The following RANBP2 variants were observed in gnomAD, a reference collection of about 807,000 sequenced individuals.
RANBP2 encodes RAN binding protein 2, also known as E3 SUMO-protein ligase RanBP2.
RANBP2 carries 57 observed loss-of-function variants against 303.6 expected under a neutral mutation model. That is an observed-to-expected ratio of 0.19 (90% confidence interval 0.15 to 0.23). The LOEUF is 0.23. Ranked by LOEUF, RANBP2 falls within the 10% of genes least tolerant of loss-of-function variation. The pLI, the probability that RANBP2 is intolerant of heterozygous loss-of-function variation, is 1.00. For synonymous variants in RANBP2, 1,167 were observed against 1,301.5 expected, an observed-to-expected ratio of 0.90 and a Z score of 2.23; for missense variants, 3,138 against 3,780.8, an observed-to-expected ratio of 0.83 and a Z score of 4.46.
At chr2:109,586,133 C>A in the RANBP2 span, among the ~76,000 whole-genome samples, 1 of 151,930 alleles carries the variant, frequency 6.6e-6, no homozygotes, top group Non-Finnish European at 1.5e-5. Flanking sequence ...TATTCACTTA[C>A]AAAATAAAAA....
intron 7 of RANBP2, among the ~76,000 whole-genome samples, chr2:108,746,064 G>A (rs1332356976): frequency 4.0e-5 from 6 of 151,888 alleles, no homozygotes; most frequent in African/African-American, 7.3e-5. Context: ...GGGCCACCAT[G>A]CCTGGCTAAT....
the RANBP2 span, among the ~76,000 whole-genome samples, chr2:109,388,339 C>A: frequency 6.6e-6 from 1 of 152,168 alleles, no homozygotes; most frequent in Non-Finnish European, 1.5e-5. Flanking sequence ...ACATGGAACA[C>A]ATCCTAAAGA....
At chr2:108,972,075 G>A in the RANBP2 span, among the ~76,000 whole-genome samples, 5 of 152,338 alleles carry the variant, frequency 3.3e-5, no homozygotes, top group East Asian at 7.7e-4. Context: ...CCAGCCGACT[G>A]CAGCCTCAGG....
the RANBP2 span, among the ~76,000 whole-genome samples, chr2:109,444,990 C>A: frequency 6.6e-6 from 1 of 152,052 alleles, no homozygotes; most frequent in African/African-American, 2.4e-5. Context: ...GAATCAGAAA[C>A]AACTGGATAT....
the RANBP2 span, among the ~76,000 whole-genome samples, chr2:109,483,879 CT>C: frequency 6.6e-6 from 1 of 152,108 alleles, no homozygotes; most frequent in Non-Finnish European, 1.5e-5. Flanking sequence ...GGCTTGGCTC[CT>C]CAGAAGCACC....
chr2:108,789,320 C>T (rs1337741438), downstream of RANBP2, among the ~76,000 whole-genome samples: 1 of 152,128 alleles, frequency 6.6e-6, no homozygotes, highest in Non-Finnish European at 1.5e-5. Context: ...GGGCCAGGTG[C>T]GGTGGCTCAC....
chr2:108,790,923 T>C, the RANBP2 span, among the ~76,000 whole-genome samples: 1 of 151,892 alleles, frequency 6.6e-6, no homozygotes, highest in Non-Finnish European at 1.5e-5. Flanking sequence ...AGCTAATTTA[T>C]TTTATTTATT....
the RANBP2 span, among the ~76,000 whole-genome samples, chr2:109,154,624 C>A: frequency 2.0e-5 from 3 of 152,308 alleles, no homozygotes; most frequent in Non-Finnish European, 4.4e-5. Flanking sequence ...TTCTCTTTGT[C>A]CTGGCTTCTG....
chr2:109,045,749 GGGGAGGAGGAAGAAGGAA>G, the RANBP2 span, among the ~76,000 whole-genome samples: 10 of 152,230 alleles, frequency 6.6e-5, no homozygotes, highest in East Asian at 5.8e-4. Context: ...GGCGGAAAGA[GGGGAGGAGGAAGAAGGAA>G]GGGAGGAGGA....
chr2:108,742,195 C>A (rs1173500241), intron 7 of RANBP2, among the ~76,000 whole-genome samples: 1 of 152,038 alleles, frequency 6.6e-6, no homozygotes, highest in South Asian at 2.1e-4. Context: ...GGGGTTTCTC[C>A]ATGTTGGTCA....
At chr2:109,087,646 G>C in the RANBP2 span, among the ~76,000 whole-genome samples, 4 of 152,106 alleles carry the variant, frequency 2.6e-5, no homozygotes, top group African/African-American at 7.2e-5. Context: ...AACCTCTCTG[G>C]GCCCCAGCTT....
the RANBP2 span, among the ~76,000 whole-genome samples, chr2:108,859,243 C>T: frequency 5.3e-5 from 8 of 152,056 alleles, no homozygotes; most frequent in East Asian, 5.8e-4. Flanking sequence ...TACTTTTTAA[C>T]GGGGTTGCTT....
Position 108,758,437 on chromosome 2 carries a change from A to G in RANBP2, c.2491A>G (p.Asn831Asp). 1 of 1,611,936 alleles carries G rather than the reference A, an allele frequency of 6.2e-7. No individual in the cohort carries two copies. The highest frequency in any genetic ancestry group is 8.5e-7 in the Non-Finnish European group (1 of 1,179,858). Residue 831 changes from asparagine to aspartate, a missense_variant, in exon 18 of 29, where the codon AAT becomes GAT. By Grantham distance (23) the Asn-to-Asp change is conservative. Coordinates refer to ENST00000283195, the MANE Select transcript of RANBP2 (RefSeq NM_006267.5). ...GAAAGAAATGCAGGAGTTGAAACTA[A>G]ATAGCAGTAACTCAGCATCCCCTCA... ...IKKEMQELKLNSSNSASPHRW... is the reference protein window; with the variant it reads ...IKKEMQELKLDSSNSASPHRW...
chr2:109,279,959 C>G, the RANBP2 span, among the ~76,000 whole-genome samples: 1 of 151,896 alleles, frequency 6.6e-6, no homozygotes, highest in Admixed American at 6.6e-5. Flanking sequence ...GGTGAGAGGG[C>G]CCCAAAAACA....
chr2:109,544,799 A>G, the RANBP2 span: 1 of 760,928 alleles, frequency 1.3e-6, no homozygotes, highest in Non-Finnish European at 1.6e-6. Context: ...AAATAATTGC[A>G]TGCCTACTAT....
At chr2:109,687,494 C>A in the RANBP2 span, among the ~76,000 whole-genome samples, 1 of 152,116 alleles carries the variant, frequency 6.6e-6, no homozygotes, top group Non-Finnish European at 1.5e-5. Flanking sequence ...GAATTCATAT[C>A]CACACCTGTG....
At chr2:108,995,248 A>C in the RANBP2 span, among the ~76,000 whole-genome samples, 5 of 152,114 alleles carry the variant, frequency 3.3e-5, no homozygotes, top group South Asian at 1.0e-3. Context: ...GCAGCCTCAA[A>C]CTCCTATGCT....
chr2:109,062,576 C>T, the RANBP2 span, among the ~76,000 whole-genome samples: 1 of 152,164 alleles, frequency 6.6e-6, no homozygotes, highest in Non-Finnish European at 1.5e-5. Context: ...CCTGATGCCC[C>T]CTCCTGTCCC....
the RANBP2 span, among the ~76,000 whole-genome samples, chr2:109,281,595 G>A: frequency 6.6e-6 from 1 of 152,188 alleles, no homozygotes; most frequent in Admixed American, 6.5e-5. Context: ...CTGGGATCGA[G>A]CTCCAGGTCT....
Sources: gnomAD v4.1 joint callset for allele counts (sites outside exome capture counted in the v4.1 genomes callset) on GRCh38, gnomAD v4.1.1 for gene constraint, MANE v1.5 for transcripts, NCBI Gene and HGNC (gene_info 2026-07-23, HGNC 2026-07-21) for gene names.